LAMA2: variants seen among roughly 807,000 people sequenced by gnomAD.
LAMA2 encodes laminin subunit alpha 2.
Under a neutral mutation model 364.8 loss-of-function variants are expected in LAMA2, and 269 were observed. The observed-to-expected ratio is 0.74, with a 90% CI of 0.67 to 0.82. LAMA2 has a LOEUF of 0.82. Ranked by LOEUF, LAMA2 falls within the 40% of genes least tolerant of loss-of-function variation. LAMA2 has a pLI of 0.00. For synonymous variants in LAMA2, 1,379 were observed against 1,370.6 expected, an observed-to-expected ratio of 1.01 and a Z score of -0.14; for missense variants, 3,807 against 3,873.2, an observed-to-expected ratio of 0.98 and a Z score of 0.45.
chr6:129,433,242 G>A (rs1781684867), intron 41 of LAMA2, among the ~76,000 whole-genome samples: 1 of 109,850 alleles, frequency 9.1e-6, no homozygotes, highest in South Asian at 2.9e-4. Flanking sequence ...GCAGAAAATT[G>A]GAGGGATTTT....
chr6:129,163,283 TGTCATTATACTTTG>T (rs1010312540), intron 8 of LAMA2, among the ~76,000 whole-genome samples: 1 of 152,174 alleles, frequency 6.6e-6, no homozygotes. Context: ...TCCATTCATC[TGTCATTATACTTTG>T]GTCTACATAT....
intron 33 of LAMA2, among the ~76,000 whole-genome samples, chr6:129,369,141 G>A (rs1276236910): frequency 2.0e-5 from 3 of 152,254 alleles, no homozygotes; most frequent in East Asian, 3.9e-4. Flanking sequence ...ACAGAGGGAG[G>A]ATAAAGCTAT....
At chr6:129,099,308 A>G (rs1202182580) in intron 4 of LAMA2, among the ~76,000 whole-genome samples, 1 of 151,892 alleles carries the variant, frequency 6.6e-6, no homozygotes, top group Non-Finnish European at 1.5e-5. Context: ...AATGCACACT[A>G]AGTACTCTGT....
intron 16 of LAMA2, among the ~76,000 whole-genome samples, chr6:129,268,226 T>A (rs1190007349): frequency 6.6e-6 from 1 of 152,118 alleles, no homozygotes; most frequent in Non-Finnish European, 1.5e-5. Context: ...CATTGCATTA[T>A]GAAGCATGAG....
intron 12 of LAMA2, among the ~76,000 whole-genome samples, chr6:129,216,878 T>G (rs1022780257): frequency 1.3e-5 from 2 of 152,128 alleles, no homozygotes; most frequent in African/African-American, 4.8e-5. Flanking sequence ...AGCAAGAAGG[T>G]AAGCTGTATC....
At chr6:129,398,316 G>T (rs1779771004) in intron 37 of LAMA2, among the ~76,000 whole-genome samples, 2 of 152,066 alleles carry the variant, frequency 1.3e-5, no homozygotes, top group Non-Finnish European at 2.9e-5. Flanking sequence ...TTGTAATCAG[G>T]GACATTGGGA....
intron 1 of LAMA2, among the ~76,000 whole-genome samples, chr6:128,885,947 T>C (rs1363237094): frequency 6.6e-6 from 1 of 152,230 alleles, no homozygotes; most frequent in Non-Finnish European, 1.5e-5. Flanking sequence ...AGGCAGTGTC[T>C]AAAATGTTTT....
intron 37 of LAMA2, among the ~76,000 whole-genome samples, chr6:129,397,938 GAA>G (rs58131786): frequency 0.13 from 13,664 of 102,330 alleles, 235 homozygotes; most frequent in Middle Eastern, 0.21. Flanking sequence ...CTCCGTCTCA[GAA>G]AAAAAAAAAA....
At chr6:128,998,234 G>C (rs1784124902) in intron 1 of LAMA2, among the ~76,000 whole-genome samples, 1 of 152,210 alleles carries the variant, frequency 6.6e-6, no homozygotes, top group Admixed American at 6.5e-5. Flanking sequence ...ATAATGGCTG[G>C]AAGGTGGTTT....
At chr6:129,275,592 T>G (rs1268958877) in intron 17 of LAMA2, among the ~76,000 whole-genome samples, 1 of 152,000 alleles carries the variant, frequency 6.6e-6, no homozygotes, top group Non-Finnish European at 1.5e-5. Flanking sequence ...GCTACATAGT[T>G]ACAGTTATAT....
At chr6:129,456,305 T>C in intron 47 of LAMA2, 30 bp from the exon 48 acceptor site, 2 of 1,605,188 alleles carry the variant, frequency 1.2e-6, no homozygotes, top group South Asian at 2.2e-5. Flanking sequence ...TGTATGTTCC[T>C]CCCCTTCACT....
At chr6:129,416,377 T>C (rs1780789932) in intron 40 of LAMA2, among the ~76,000 whole-genome samples, 1 of 152,134 alleles carries the variant, frequency 6.6e-6, no homozygotes, top group Admixed American at 6.5e-5. Flanking sequence ...AATTAATTAA[T>C]CTGTATTTCT....
chr6:129,165,563 A>G lies in LAMA2; in HGVS notation c.1207-13A>G, dbSNP rs1334010763. 1 of 1,565,076 alleles carries G rather than the reference A, an allele frequency of 6.4e-7. No individual in the cohort carries two copies. The highest frequency in any genetic ancestry group is 8.8e-7 in the Non-Finnish European group (1 of 1,137,358). ...ATTACACTTCGTTAAATTCATTTTA[A>G]TATTTTTGTTAGGTATCTCCAAATT... On this transcript the variant is annotated splice_polypyrimidine_tract_variant and intron_variant, in intron 8 of 64. Coordinates refer to ENST00000421865, the MANE Select transcript of LAMA2 (RefSeq NM_000426.4).
intron 9 of LAMA2, among the ~76,000 whole-genome samples, chr6:129,174,919 A>G (rs1013348579): frequency 6.6e-6 from 1 of 152,246 alleles, no homozygotes; most frequent in East Asian, 1.9e-4. Context: ...GGTTTTTTGG[A>G]CATCTAGTCT....
intron 63 of LAMA2, among the ~76,000 whole-genome samples, chr6:129,514,130 C>T (rs1283996161): frequency 6.6e-6 from 1 of 152,152 alleles, no homozygotes; most frequent in Non-Finnish European, 1.5e-5. Context: ...ACCAGCTTTA[C>T]GTATCTTGCC....
At position 128,922,777 on chromosome 6, in the gene LAMA2, T is replaced by C. The variant is rs1283030460; in HGVS notation, c.112+39420T>C. 6.6e-5 allele frequency among the ~76,000 whole-genome samples: 10 copies of C among 152,190 alleles called. No homozygotes were observed. The East Asian group carries it at 1.2e-3, about 18-fold the overall frequency. On this transcript the variant is annotated intron_variant, in intron 1 of 64. Coordinates refer to ENST00000421865, the MANE Select transcript of LAMA2 (RefSeq NM_000426.4). Reference sequence around the variant, plus strand: ...CTTTTGGTGTTTTAGACATGAAGTCTTTGCCCATGCCTATGTCCTGAATGG... The same window carrying C: ...CTTTTGGTGTTTTAGACATGAAGTCCTTGCCCATGCCTATGTCCTGAATGG...
intron 58 of LAMA2, among the ~76,000 whole-genome samples, chr6:129,499,924 T>C (rs886524850): frequency 2.0e-5 from 3 of 152,050 alleles, no homozygotes; most frequent in Non-Finnish European, 4.4e-5. Flanking sequence ...GTTGTTCTTT[T>C]GGAGAGACAG....
At chr6:129,214,016 C>T (rs535544405) in intron 12 of LAMA2, among the ~76,000 whole-genome samples, 1 of 152,124 alleles carries the variant, frequency 6.6e-6, no homozygotes, top group African/African-American at 2.4e-5. Flanking sequence ...GTCTATGATC[C>T]ATTTTGTGTT....
chr6:129,202,601 A>G (rs1034563848), intron 12 of LAMA2, among the ~76,000 whole-genome samples: 3 of 152,166 alleles, frequency 2.0e-5, no homozygotes, highest in African/African-American at 7.2e-5. Context: ...CTTAAAAACT[A>G]CCTAGTCCCT....
Sources: gnomAD v4.1 joint callset for allele counts (sites outside exome capture counted in the v4.1 genomes callset) on GRCh38, gnomAD v4.1.1 for gene constraint, MANE v1.5 for transcripts, NCBI Gene and HGNC (gene_info 2026-07-23, HGNC 2026-07-21) for gene names.